Variants in DPP6 observed in about 807,000 individuals in gnomAD.
The protein encoded by DPP6 is dipeptidyl peptidase like 6, also known as A-type potassium channel modulatory protein DPP6.
DPP6 carries 69 observed loss-of-function variants against 122.6 expected under a neutral mutation model. The observed-to-expected ratio is 0.56, with a 90% confidence interval of 0.46 to 0.69. The LOEUF (loss-of-function observed/expected upper bound fraction) is 0.69. Ranked by LOEUF, DPP6 falls within the 30% of genes least tolerant of loss-of-function variation. The pLI is 0.00. For missense variants in DPP6, 928 were observed against 1,116.9 expected, an observed-to-expected ratio of 0.83 and a Z score of 2.41; for synonymous variants, 418 against 433.1, an observed-to-expected ratio of 0.97 and a Z score of 0.43.
At chr7:153,962,982 T>G (rs1205369992) in intron 1 of DPP6, among the ~76,000 whole-genome samples, 2 of 152,194 alleles carry the variant, frequency 1.3e-5, no homozygotes, top group Admixed American at 6.5e-5. Flanking sequence ...TTTTGGGGCC[T>G]TTTTGACTCT....
intron 3 of DPP6, among the ~76,000 whole-genome samples, chr7:154,482,854 G>A (rs56078889): frequency 0.24 from 32,799 of 136,616 alleles, 4,469 homozygotes; most frequent in Admixed American, 0.36. Context: ...AGAGAGCACT[G>A]TCAAGGCTGA....
intron 7 of DPP6, among the ~76,000 whole-genome samples, chr7:154,671,066 C>A (rs1838522154): frequency 6.6e-6 from 1 of 152,144 alleles, no homozygotes; most frequent in African/African-American, 2.4e-5. Flanking sequence ...CAAAATTTGT[C>A]TTTTCTCAAA....
At chr7:154,509,684 G>A (rs60219823) in intron 3 of DPP6, among the ~76,000 whole-genome samples, 21,878 of 152,154 alleles carry the variant, frequency 0.14, 1,572 homozygotes, top group Middle Eastern at 0.18. Flanking sequence ...ACTAATGTTT[G>A]TAATAATATT....
chr7:154,284,485 G>A (rs561664113), intron 1 of DPP6, among the ~76,000 whole-genome samples: 57 of 152,286 alleles, frequency 3.7e-4, no homozygotes, highest in African/African-American at 1.3e-3. Context: ...TGGTATATCC[G>A]TACAATGGAA....
Position 153,964,958 on chromosome 7 carries a change from T to C in DPP6, c.51+77224T>C, listed in dbSNP as rs1379109812. Among the ~76,000 whole-genome samples, 15 of 141,480 alleles carry C rather than the reference T, an allele frequency of 1.1e-4. 1 individual carries two copies. The East Asian group carries it at 1.2e-3, about 11-fold the overall frequency. The allele number at this position is 141,480 out of a possible 152,430, so 92.8% of individuals were successfully genotyped here. On this transcript the variant is annotated intron_variant, in intron 1 of 25. Transcript: ENST00000404039. ...TCTTTCTTTTTCTTTCTTTCTCTCT[T>C]TCTTTCTTTCATTTCTTTTCCCTTC... is the stretch of plus-strand genomic sequence containing the variant.
chr7:154,500,788 G>A (rs984181250), intron 3 of DPP6, among the ~76,000 whole-genome samples: 8 of 152,194 alleles, frequency 5.3e-5, no homozygotes, highest in South Asian at 2.1e-4. Flanking sequence ...AGTAGAGTGG[G>A]GCACTGCTGA....
chr7:154,654,751 A>G (rs1281243062), intron 6 of DPP6, among the ~76,000 whole-genome samples: 1 of 152,032 alleles, frequency 6.6e-6, no homozygotes, highest in Non-Finnish European at 1.5e-5. Flanking sequence ...CTTCTGATAC[A>G]CCATAGAGTG....
the DPP6 span, among the ~76,000 whole-genome samples, chr7:153,845,988 C>A: frequency 1.3e-5 from 2 of 152,162 alleles, no homozygotes; most frequent in African/African-American, 2.4e-5. Context: ...TTTTCTGTCT[C>A]TCTGATAAAT....
Position 154,053,050 on chromosome 7 carries a change from G to T in DPP6, c.230G>T (p.Gly77Val). The T allele has an allele frequency of 9.4e-7, 1 of 1,061,590 alleles. No individual in the cohort carries two copies. The allele number at this position is 1,061,590 out of a possible 1,614,324, so 65.8% of individuals were successfully genotyped here. The change falls in exon 1 of 26, where the codon GGT (glycine) becomes GTT (valine). Residue 77 changes from glycine to valine, a missense_variant. Transcript: ENST00000377770. ...PRFQYQARSD[G>V]DEEDELVGSN... ...TTCCAGTACCAGGCGCGGAGCGATG[G>T]TGACGAGGAGGACGTAAGAGCTTCT...
intron 5 of DPP6, among the ~76,000 whole-genome samples, chr7:154,569,406 A>G (rs1586649693): frequency 6.6e-6 from 1 of 152,176 alleles, no homozygotes; most frequent in Non-Finnish European, 1.5e-5. Flanking sequence ...AACTCTAGTT[A>G]AACAGATAAG....
chr7:154,829,555 A>G (rs1287239043), intron 16 of DPP6, among the ~76,000 whole-genome samples: 1 of 152,046 alleles, frequency 6.6e-6, no homozygotes, highest in Non-Finnish European at 1.5e-5. Context: ...AGAAAAACAG[A>G]CCAAGATATT....
chr7:153,909,924 T>C (rs1226220471), intron 1 of DPP6, among the ~76,000 whole-genome samples: 3 of 152,158 alleles, frequency 2.0e-5, no homozygotes, highest in Admixed American at 6.5e-5. Context: ...TGTCTCAGGC[T>C]GTCTTCTGTC....
chr7:154,784,284 GAGTGAGCC>G (rs1487804322), intron 10 of DPP6, among the ~76,000 whole-genome samples: 1 of 152,138 alleles, frequency 6.6e-6, no homozygotes, highest in East Asian at 1.9e-4. Flanking sequence ...CCTAGGACAA[GAGTGAGCC>G]AGACCTCGGC....
At chr7:154,667,583 C>A (rs535272680) in intron 6 of DPP6, among the ~76,000 whole-genome samples, 1 of 152,058 alleles carries the variant, frequency 6.6e-6, no homozygotes, top group African/African-American at 2.4e-5. Context: ...ATTCGCCAGG[C>A]GTCGTGGCAG....
intron 1 of DPP6, among the ~76,000 whole-genome samples, chr7:154,152,218 G>A (rs1027972321): frequency 6.6e-6 from 1 of 152,102 alleles, no homozygotes; most frequent in Non-Finnish European, 1.5e-5. Context: ...CTTGCCACAT[G>A]GAAGAGAGCA....
chr7:153,982,655 C>T (rs1263590899), intron 1 of DPP6, among the ~76,000 whole-genome samples: 1 of 152,108 alleles, frequency 6.6e-6, no homozygotes, highest in East Asian at 1.9e-4. Flanking sequence ...CCTTTTCGCG[C>T]TGGTTTTTCC....
At chr7:153,801,317 C>T in the DPP6 span, among the ~76,000 whole-genome samples, 29 of 149,484 alleles carry the variant, frequency 1.9e-4, no homozygotes, top group Non-Finnish European at 8.9e-5. Flanking sequence ...TCAAAAATGA[C>T]CATCCATCCT....
chr7:154,417,069 C>T (rs919022565), intron 1 of DPP6, among the ~76,000 whole-genome samples: 12 of 152,200 alleles, frequency 7.9e-5, no homozygotes, highest in Non-Finnish European at 1.3e-4. Flanking sequence ...AGTCTGATTT[C>T]AATGATCGTT....
At chr7:154,595,189 C>A (rs1244320384) in intron 5 of DPP6, among the ~76,000 whole-genome samples, 2 of 152,136 alleles carry the variant, frequency 1.3e-5, no homozygotes, top group African/African-American at 4.8e-5. Context: ...TCTCCATCTT[C>A]CCCTTCTCCG....
Sources: gnomAD v4.1 joint callset for allele counts (sites outside exome capture counted in the v4.1 genomes callset) on GRCh38, gnomAD v4.1.1 for gene constraint, MANE v1.5 for transcripts, NCBI Gene and HGNC (gene_info 2026-07-23, HGNC 2026-07-21) for gene names.